PEAK1: variants seen among roughly 807,000 people sequenced by gnomAD.
The protein encoded by PEAK1 is pseudopodium enriched atypical kinase 1, also known as inactive tyrosine-protein kinase PEAK1.
A neutral mutation model predicts 124.7 loss-of-function variants in PEAK1; 54 were observed. The ratio of observed to expected loss-of-function variants is 0.43; its 90% CI spans 0.35 to 0.54. The LOEUF is 0.54. PEAK1 is among the 20% of genes least tolerant of loss of function. The pLI is 0.01. For missense variants in PEAK1, 2,046 were observed against 2,134.5 expected, an observed-to-expected ratio of 0.96 and a Z score of 0.82; for synonymous variants, 719 against 760.0, an observed-to-expected ratio of 0.95 and a Z score of 0.89.
intron 7 of PEAK1, among the ~76,000 whole-genome samples, chr15:77,171,090 A>C (rs1200135957): frequency 1.3e-5 from 2 of 151,798 alleles, no homozygotes; most frequent in Non-Finnish European, 2.9e-5. Context: ...TTAGTGCCAG[A>C]AAATATTTTA....
intron 7 of PEAK1, among the ~76,000 whole-genome samples, chr15:77,167,401 C>T (rs2056178379): frequency 6.6e-6 from 1 of 152,202 alleles, no homozygotes; most frequent in Admixed American, 6.5e-5. Context: ...CATACTGTAT[C>T]ATTCCATGAT....
Position 77,171,493 on chromosome 15 carries a change from T to C in PEAK1, c.3137+7297A>G, listed in dbSNP as rs112064080. 2.0e-3 allele frequency among the ~76,000 whole-genome samples: 304 copies of C among 150,718 alleles called. 1 individual carries two copies. Among genetic ancestry groups the C allele is most frequent in the African/African-American group, 7.3e-3 (301 of 41,014 alleles). ...AAAAAAAAAGTAGATCTCATAGGAG[T>C]AAAAAGTAGAAGAGAGAATACGATA... On this transcript the variant is annotated intron_variant, in intron 7 of 9. Transcript: ENST00000682557.
chr15:77,132,868 G>C (rs766740320), intron 9 of PEAK1, 137 bp downstream of exon 9: 2 of 786,554 alleles, frequency 2.5e-6, no homozygotes, highest in Non-Finnish European at 2.0e-6. Context: ...GCTTAATCTA[G>C]TATCTGGTAA....
At chr15:77,374,339 G>A (rs2068851189) in intron 1 of PEAK1, among the ~76,000 whole-genome samples, 1 of 152,122 alleles carries the variant, frequency 6.6e-6, no homozygotes, top group Non-Finnish European at 1.5e-5. Context: ...AGAATACCAT[G>A]AGAGAATTTT....
intron 2 of PEAK1, among the ~76,000 whole-genome samples, chr15:77,315,843 A>C (rs1389675122): frequency 1.3e-5 from 2 of 152,056 alleles, no homozygotes; most frequent in Non-Finnish European, 2.9e-5. Context: ...AAGAATAAGA[A>C]GACCTGAAAA....
At chr15:77,419,361 G>T in intron 1 of PEAK1, 8 of 985,342 alleles carry the variant, frequency 8.1e-6, no homozygotes, top group Non-Finnish European at 9.6e-6. Context: ...GGAAAGAAAA[G>T]TTGCAAGAAC....
chr15:77,350,089 A>G (rs2067115688), intron 2 of PEAK1: 5 of 985,464 alleles, frequency 5.1e-6, no homozygotes, highest in South Asian at 9.4e-5. Flanking sequence ...CAAACATAAT[A>G]AGAGCATACC....
At chr15:77,235,750 C>T (rs1309064666) in intron 6 of PEAK1, among the ~76,000 whole-genome samples, 1 of 152,200 alleles carries the variant, frequency 6.6e-6, no homozygotes, top group Non-Finnish European at 1.5e-5. Flanking sequence ...CATCACAGGC[C>T]TGGAGGCCTA....
In PEAK1 at chr15:77,180,685, T is replaced by C. The variant is rs920636498; in HGVS notation, c.1242A>G (p.Lys414=). 1.2e-6 allele frequency: 2 copies of C among 1,614,128 alleles called. No homozygotes were observed. Among genetic ancestry groups the C allele is most frequent in the Admixed American group, 1.7e-5 (1 of 60,002 alleles). The change falls in exon 7 of 10, where the codon AAA becomes AAG. Residue 414 remains lysine, a synonymous_variant. Transcript: ENST00000682557. ...KSSIKVPETH[K]AVLALRLEEK... is the part of the protein sequence containing the mutation. ...CTTCTAATCGGAGAGCAAGGACTGC[T>C]TTGTGGGTCTCTGGAACTTTTATTG...
rs768259835 is a variant in PEAK1 at position 77,179,687 on chromosome 15, C to T, written c.2240G>A (p.Gly747Asp). 6 of 1,613,832 alleles carry T rather than the reference C, an allele frequency of 3.7e-6. No homozygotes were observed. The East Asian group carries it at 1.3e-4, about 36-fold the overall frequency. ...ATQEPVAKIEGTQESQMVGSS... is the reference protein window; with the variant it reads ...ATQEPVAKIEDTQESQMVGSS... The stretch of plus-strand genomic sequence containing the variant: ...GCCCACCATCTGAGACTCCTGAGTG[C>T]CTTCTATTTTGGCCACAGGCTCTTG... The change falls in exon 7 of 10, where the codon GGC (glycine) becomes GAC (aspartate). Residue 747 changes from glycine to aspartate, a missense_variant. Coordinates refer to ENST00000682557, the MANE Select transcript of PEAK1 (RefSeq NM_001385026.1).
chr15:77,174,529 A>T (rs2152809754), intron 7 of PEAK1, among the ~76,000 whole-genome samples: 1 of 152,278 alleles, frequency 6.6e-6, no homozygotes, highest in African/African-American at 2.4e-5. Context: ...GAAAAAGCAA[A>T]TGGTATATAT....
chr15:77,148,671 C>T (rs2054346527), intron 8 of PEAK1, among the ~76,000 whole-genome samples: 1 of 152,024 alleles, frequency 6.6e-6, no homozygotes, highest in African/African-American at 2.4e-5. Context: ...AATCCCAGTG[C>T]TTTGGGAGGC....
chr15:77,322,448 T>A (rs978285367), intron 2 of PEAK1, among the ~76,000 whole-genome samples: 1 of 151,892 alleles, frequency 6.6e-6, no homozygotes, highest in Admixed American at 6.6e-5. Context: ...AAAGGGGATA[T>A]CACCACCGAT....
At chr15:77,419,552 G>C (rs2073190303) in intron 1 of PEAK1, 8 of 985,090 alleles carry the variant, frequency 8.1e-6, no homozygotes, top group Non-Finnish European at 9.6e-6. Flanking sequence ...TCCCGGGTGC[G>C]GGAGCGGGCT....
intron 7 of PEAK1, among the ~76,000 whole-genome samples, chr15:77,173,262 A>T (rs62008382): frequency 0.084 from 12,815 of 152,260 alleles, 618 homozygotes; most frequent in Non-Finnish European, 0.1. Context: ...ATGATCACTA[A>T]TTGACCTTAC....
chr15:77,412,836 A>G (rs1198054728), intron 1 of PEAK1, among the ~76,000 whole-genome samples: 1 of 152,202 alleles, frequency 6.6e-6, no homozygotes, highest in African/African-American at 2.4e-5. Flanking sequence ...AGAATAAAGA[A>G]GTGTGCATGT....
At chr15:77,173,054 C>T (rs1596462901) in intron 7 of PEAK1, among the ~76,000 whole-genome samples, 1 of 152,210 alleles carries the variant, frequency 6.6e-6, no homozygotes, top group East Asian at 1.9e-4. Flanking sequence ...GTGTCTGGCC[C>T]ACCAAGCACA....
At chr15:77,149,326 C>G (rs568099981) in intron 8 of PEAK1, among the ~76,000 whole-genome samples, 1 of 152,166 alleles carries the variant, frequency 6.6e-6, no homozygotes, top group Non-Finnish European at 1.5e-5. Context: ...AATCCATCCA[C>G]TGCCTTATTA....
chr15:77,390,888 C>T (rs1455342467), intron 1 of PEAK1, among the ~76,000 whole-genome samples: 1 of 152,182 alleles, frequency 6.6e-6, no homozygotes, highest in Non-Finnish European at 1.5e-5. Context: ...GGGGCACAAT[C>T]CAGTAGACAG....
Sources: gnomAD v4.1 joint callset for allele counts (sites outside exome capture counted in the v4.1 genomes callset) on GRCh38, gnomAD v4.1.1 for gene constraint, MANE v1.5 for transcripts, NCBI Gene and HGNC (gene_info 2026-07-23, HGNC 2026-07-21) for gene names.